IPO4: variants seen among roughly 807,000 people sequenced by gnomAD.
The protein encoded by IPO4 is importin 4, also known as importin-4.
A neutral mutation model predicts 133.5 loss-of-function variants in IPO4; 91 were observed. That is an observed-to-expected ratio of 0.68 (90% CI 0.58 to 0.81). The LOEUF (loss-of-function observed/expected upper bound fraction) is 0.81. Ranked by LOEUF, IPO4 falls within the 30% of genes least tolerant of loss-of-function variation. IPO4 has a pLI of 0.00. For synonymous variants in IPO4, 607 were observed against 581.6 expected (o/e 1.04, Z -0.63); for missense variants, 1,279 against 1,386.2 (o/e 0.92, Z 1.23).
intron 10 of IPO4, 31 bp downstream of exon 10, chr14:24,186,256 C>T (rs2138817350): frequency 6.2e-7 from 1 of 1,603,796 alleles, no homozygotes; most frequent in South Asian, 1.1e-5. Context: ...CCACCTAACA[C>T]CTTCCCCCTC....
rs1441389685 is a variant in IPO4 at position 24,188,700 on chromosome 14, G to C, written c.69+19C>G. 7 of 1,596,494 alleles carry C rather than the reference G, an allele frequency of 4.4e-6. No individual in the cohort carries two copies. The highest frequency in any genetic ancestry group is 1.3e-5 in the African/African-American group (1 of 74,668). ...CGCAACCTCCCGCTCGCCCTGGCCCGGTTACGCCTGCTCCGTACCCGACGG... is the reference window on the plus strand; with the variant it reads ...CGCAACCTCCCGCTCGCCCTGGCCCCGTTACGCCTGCTCCGTACCCGACGG... On this transcript the variant is annotated intron_variant, in intron 1 of 29. Coordinates refer to ENST00000354464, the MANE Select transcript of IPO4 (RefSeq NM_024658.4).
At position 24,184,284 on chromosome 14, in the gene IPO4, G is replaced by A. The variant is rs1363653921; in HGVS notation, c.1757+14C>T. ...GAGGGGACAAGGGCAGAGGCAGGGT[G>A]AGGGGTCACTCACGTGCAGCGCCGC... is the stretch of plus-strand genomic sequence containing the variant. On this transcript the variant is annotated intron_variant, in intron 17 of 29. Transcript: ENST00000354464. 2 of 1,579,190 alleles carry A rather than the reference G, an allele frequency of 1.3e-6. No individual in the cohort carries two copies. Among genetic ancestry groups the A allele is most frequent in the South Asian group, 2.3e-5 (2 of 86,870 alleles).
intron 13 of IPO4, 40 bp downstream of exon 13, chr14:24,185,419 G>A (rs1417593508): frequency 5.0e-6 from 8 of 1,591,308 alleles, no homozygotes; most frequent in Non-Finnish European, 6.9e-6. Context: ...GAGGGGAAGG[G>A]GACATTCAAG....
In IPO4 at chr14:24,187,112, G is replaced by A. The variant is rs775609528; in HGVS notation, c.627C>T (p.Ala209=). 1.4e-5 allele frequency: 22 copies of A among 1,613,856 alleles called. No individual in the cohort carries two copies. The Admixed American group carries it at 3.5e-4, about 26-fold the overall frequency. Residue 209 remains alanine (A), a synonymous_variant, in exon 7 of 30, where the codon GCC becomes GCT. Coordinates refer to ENST00000354464, the MANE Select transcript of IPO4 (RefSeq NM_024658.4). ...CATCTATGGGGATCAGAGTCTGCAT[G>A]GCCATGATCAGCTTGGGCACCAACA... ...ARMLVPKLIM[A]MQTLIPIDEA...
chr14:24,183,271 G>A lies in IPO4; in HGVS notation c.2206C>T (p.Pro736Ser). The A allele has an allele frequency of 6.2e-7, 1 of 1,613,626 alleles. No homozygotes were observed. The highest frequency in any genetic ancestry group is 1.1e-5 in the South Asian group (1 of 90,958). Residue 736 changes from proline (P) to serine (S), a missense_variant, in exon 22 of 30, where the codon CCC becomes TCC. Physicochemically the swap from Pro to Ser is moderately conservative, Grantham distance 74. Coordinates refer to ENST00000354464, the MANE Select transcript of IPO4 (RefSeq NM_024658.4). ...CALHKACQSC[P>S]SEPNTAALQA... The stretch of plus-strand genomic sequence containing the variant: ...TCACCAGCAGTGTTGGGTTCCGAGG[G>A]GCAGCTTTGACAGGCCTTGTGCAGT...
rs1440259719 is a variant in IPO4, at chr14:24,186,295, C to T, written c.997G>A (p.Ala333Thr). 4 of 1,605,540 alleles carry T rather than the reference C, an allele frequency of 2.5e-6. No homozygotes were observed. Among genetic ancestry groups the T allele is most frequent in the Non-Finnish European group, 3.4e-6 (4 of 1,174,704 alleles). Reference protein sequence around the residue: ...ELMGETPKHFAVQVVDMLALH... With the variant: ...ELMGETPKHFTVQVVDMLALH... ...CCTGCCCCACATCTCACTTGTACAGCGAAATGCTTGGGAGTCTCCCCCATC... is the reference window on the plus strand; with the variant it reads ...CCTGCCCCACATCTCACTTGTACAGTGAAATGCTTGGGAGTCTCCCCCATC... The change falls in exon 10 of 30, where the codon GCT (alanine) becomes ACT (threonine). Residue 333 changes from alanine to threonine, a missense_variant. Transcript: ENST00000354464.
intron 14 of IPO4, 41 bp from the exon 15 acceptor site, chr14:24,185,021 G>A (rs1185992810): frequency 6.3e-7 from 1 of 1,598,104 alleles, no homozygotes; most frequent in Non-Finnish European, 8.6e-7. Flanking sequence ...ACCCAGGTCT[G>A]CTACCTGCAC....
At chr14:24,183,938 C>G in intron 18 of IPO4, 40 bp from the exon 19 acceptor site, 1 of 1,613,592 alleles carries the variant, frequency 6.2e-7, no homozygotes, top group Non-Finnish European at 8.5e-7. Flanking sequence ...CTCAGCTGGG[C>G]CCAGGAGATA....
chr14:24,186,269 T>C lies in IPO4; in HGVS notation c.1005+18A>G, dbSNP rs1376043874. 2 of 1,603,552 alleles carry C rather than the reference T, an allele frequency of 1.2e-6. No individual in the cohort carries two copies. The highest frequency in any genetic ancestry group is 1.7e-5 in the Admixed American group (1 of 59,530). On this transcript the variant is annotated intron_variant, in intron 10 of 29. Coordinates refer to ENST00000354464, the MANE Select transcript of IPO4 (RefSeq NM_024658.4). ...AGCCACCTAACACCTTCCCCCTCTG[T>C]CCTGCCCCACATCTCACTTGTACAG...
At chr14:24,188,463 A>C in intron 2 of IPO4, 40 bp from the exon 3 acceptor site, 1 of 1,609,296 alleles carries the variant, frequency 6.2e-7, no homozygotes, top group African/African-American at 1.3e-5. Flanking sequence ...CCGGGCAGGA[A>C]GGTGCTGAGC....
At position 24,183,878 on chromosome 14, in the gene IPO4, G is replaced by A. The variant is rs773631849; in HGVS notation, c.1890C>T (p.Ser630=). 37 of 1,613,936 alleles carry A rather than the reference G, an allele frequency of 2.3e-5. No homozygotes were observed. The highest frequency in any genetic ancestry group is 3.0e-5 in the Non-Finnish European group (35 of 1,180,028). Residue 630 remains serine (S), a synonymous_variant, in exon 19 of 30, where the codon AGC becomes AGT. Transcript: ENST00000354464. Reference sequence around the variant, plus strand: ...TCTCATCGTCAAACAGAAGGAAGGAGCTGCTCCCGTCATACTGAGGCTGGA... The same window carrying A: ...TCTCATCGTCAAACAGAAGGAAGGAACTGCTCCCGTCATACTGAGGCTGGA... ...EGIVPQYDGS[S]SFLLFDDESD...
chr14:24,185,622 G>A (rs2039209132), intron 12 of IPO4, 55 bp from the exon 13 acceptor site: 2 of 1,478,408 alleles, frequency 1.4e-6, no homozygotes, highest in South Asian at 1.1e-5. Flanking sequence ...GAGAGCCCTA[G>A]GCTGACCTGT....
intron 8 of IPO4, 40 bp downstream of exon 8, chr14:24,186,838 G>C: frequency 6.2e-7 from 1 of 1,612,016 alleles, no homozygotes; most frequent in Non-Finnish European, 8.5e-7. Context: ...GAGAGTCCCA[G>C]CAGAGCATGT....
chr14:24,183,905 C>T lies in IPO4; in HGVS notation c.1870-7G>A, dbSNP rs767727926. The T allele has an allele frequency of 1.9e-5, 31 of 1,613,762 alleles. No homozygotes were observed. The highest frequency in any genetic ancestry group is 1.1e-4 in the South Asian group (10 of 91,090). On this transcript the variant is annotated splice_polypyrimidine_tract_variant and splice_region_variant and intron_variant, in intron 18 of 29. Transcript: ENST00000354464. ...TGCTCCCGTCATACTGAGGCTGGAGCGGAGGCACGGCAAGGACTTTGGCTC... is the reference window on the plus strand; with the variant it reads ...TGCTCCCGTCATACTGAGGCTGGAGTGGAGGCACGGCAAGGACTTTGGCTC...
chr14:24,184,553 A>T (rs2039190386), intron 16 of IPO4, 97 bp downstream of exon 16: 4 of 1,413,112 alleles, frequency 2.8e-6, no homozygotes, highest in Non-Finnish European at 3.8e-6. Flanking sequence ...GATGAGAAGG[A>T]AGACATCCGT....
At chr14:24,182,643 A>T in intron 24 of IPO4, 149 bp downstream of exon 24, 1 of 1,016,670 alleles carries the variant, frequency 9.8e-7, no homozygotes, top group Non-Finnish European at 1.5e-6. Flanking sequence ...CCACTGGCTT[A>T]GTGGGATCAG....
chr14:24,181,840 G>C lies in IPO4; in HGVS notation c.2811C>G (p.His937Gln). The C allele has an allele frequency of 6.3e-7, 1 of 1,597,040 alleles. No homozygotes were observed. Among genetic ancestry groups the C allele is most frequent in the Non-Finnish European group, 8.5e-7 (1 of 1,169,778 alleles). Residue 937 changes from histidine (H) to glutamine (Q), a missense_variant, in exon 27 of 30, where the codon CAC (histidine) becomes CAG (glutamine). Physicochemically the swap from His to Gln is conservative, Grantham distance 24. Transcript: ENST00000354464. ...AAAGGAGCCCCAGCAGCTTGGGGAA[G>C]TGTCTGGTCCACAGTCAAGGAATGG... ...AEHGGHPAQE[H>Q]FPKLLGLLFP...
chr14:24,185,925 G>A lies in IPO4; in HGVS notation c.1105C>T (p.Arg369Cys), dbSNP rs747819166. ...GCCAGCACCAGGAGTCCAGCTTTGC[G>A]CTGGTATGGGCTCTCGCTCCGCAAA... ...EALRSESPYQ[R>C]KAGLLVLAVL... Residue 369 changes from arginine (R) to cysteine (C), a missense_variant, in exon 12 of 30, where the codon CGC becomes TGC. Physicochemically the swap from Arg to Cys is radical, Grantham distance 180. This residue lies in a region of IPO4 where 695 missense variants were observed against 704.1 expected (regional missense o/e 0.99). Transcript: ENST00000354464. 13 of 1,613,956 alleles carry A rather than the reference G, an allele frequency of 8.1e-6. No homozygotes were observed. In the East Asian group the frequency reaches 1.6e-4, roughly 19 times the overall value.
intron 8 of IPO4, 29 bp from the exon 9 acceptor site, chr14:24,186,820 C>T: frequency 1.9e-5 from 30 of 1,613,492 alleles, no homozygotes; most frequent in Non-Finnish European, 2.5e-5. Flanking sequence ...AAATCAGCGA[C>T]AGGGAAGGAG....
Sources: gnomAD v4.1 joint callset for allele counts on GRCh38, gnomAD v4.1.1 for gene constraint, gnomAD v4.1.1 regional missense constraint, MANE v1.5 for transcripts, NCBI Gene and HGNC (gene_info 2026-07-23, HGNC 2026-07-21) for gene names.